The following ZNF521 variants were observed in gnomAD, a reference collection of about 807,000 sequenced individuals.
The protein encoded by ZNF521 is LYST-interacting protein 3.
Under a neutral mutation model 105.5 loss-of-function variants are expected in ZNF521, and 14 were observed. The observed-to-expected ratio is 0.13, with a 90% CI of 0.09 to 0.21. The LOEUF (loss-of-function observed/expected upper bound fraction) is 0.21. Ranked by LOEUF, ZNF521 falls within the 10% of genes least tolerant of loss-of-function variation. ZNF521 has a pLI of 1.00. For synonymous variants in ZNF521, 635 were observed against 606.0 expected (o/e 1.05, Z -0.70); for missense variants, 1,233 against 1,629.7 (o/e 0.76, Z 4.19).
At chr18:25,284,545 G>A (rs1910576135) in intron 3 of ZNF521, among the ~76,000 whole-genome samples, 1 of 152,140 alleles carries the variant, frequency 6.6e-6, no homozygotes, top group Admixed American at 6.5e-5. Context: ...TGAGACGAGA[G>A]CGCTGAGGGC....
At chr18:25,260,499 A>T (rs182831571) in intron 3 of ZNF521, among the ~76,000 whole-genome samples, 1 of 152,306 alleles carries the variant, frequency 6.6e-6, no homozygotes, top group African/African-American at 2.4e-5. Context: ...CAGCATCTTC[A>T]TCTGGAAAAC....
intron 4 of ZNF521, among the ~76,000 whole-genome samples, chr18:25,218,831 A>G (rs970884076): frequency 6.6e-6 from 1 of 152,106 alleles, no homozygotes; most frequent in African/African-American, 2.4e-5. Context: ...CTGGGCAACA[A>G]GAGTGACACT....
intron 5 of ZNF521, among the ~76,000 whole-genome samples, chr18:25,112,045 C>G (rs2034200726): frequency 6.6e-6 from 1 of 152,208 alleles, no homozygotes; most frequent in African/African-American, 2.4e-5. Context: ...GAAACCAAAT[C>G]TGCAGGAGGC....
chr18:25,095,443 T>G (rs2033831609), intron 5 of ZNF521, among the ~76,000 whole-genome samples: 1 of 152,216 alleles, frequency 6.6e-6, no homozygotes, highest in Non-Finnish European at 1.5e-5. Context: ...CATTACAATA[T>G]TCCATTAAGG....
intron 3 of ZNF521, among the ~76,000 whole-genome samples, chr18:25,261,519 C>A (rs1908906339): frequency 6.6e-6 from 1 of 152,146 alleles, no homozygotes; most frequent in Admixed American, 6.6e-5. Context: ...TCTTACTTTC[C>A]TATACTTATG....
chr18:25,159,874 C>T (rs1010918132), intron 5 of ZNF521, among the ~76,000 whole-genome samples: 1 of 152,110 alleles, frequency 6.6e-6, no homozygotes, highest in Non-Finnish European at 1.5e-5. Flanking sequence ...CATGGTTATG[C>T]GGGTGGAGTA....
chr18:25,115,966 G>C (rs1159303660), intron 5 of ZNF521, among the ~76,000 whole-genome samples: 2 of 152,208 alleles, frequency 1.3e-5, no homozygotes, highest in East Asian at 3.8e-4. Context: ...ATTCAAAGCA[G>C]TATATTAATA....
At chr18:25,172,634 A>T (rs1049765231) in intron 5 of ZNF521, among the ~76,000 whole-genome samples, 1 of 152,182 alleles carries the variant, frequency 6.6e-6, no homozygotes, top group African/African-American at 2.4e-5. Flanking sequence ...GTGGTGATAG[A>T]CATTACTAAA....
chr18:25,133,701 A>C (rs1045513206), intron 5 of ZNF521, among the ~76,000 whole-genome samples: 1 of 152,194 alleles, frequency 6.6e-6, no homozygotes. Context: ...CTTTATTATC[A>C]TCAATTTATT....
chr18:25,274,235 C>G (rs1909888389), intron 3 of ZNF521, among the ~76,000 whole-genome samples: 1 of 152,138 alleles, frequency 6.6e-6, no homozygotes, highest in Non-Finnish European at 1.5e-5. Context: ...AAGGAACCAG[C>G]ATACCCACAA....
rs33971407 is a variant in ZNF521 at position 25,332,347 on chromosome 18, C to CAAAA, written c.41-10164_41-10161dup. Among the ~76,000 whole-genome samples, 195 of 127,858 alleles carry CAAAA rather than the reference C, an allele frequency of 1.5e-3. 1 individual carries two copies. Among genetic ancestry groups the CAAAA allele is most frequent in the African/African-American group, 5.2e-3 (189 of 36,406 alleles). 83.9% of individuals were successfully genotyped at this position (127,858 alleles called of 152,430 possible). A position where few individuals can be genotyped will look rare whatever the true frequency, so the allele number is the denominator to read the frequency against. ...AAATTTGTATAATGAAAGATCACAG[C>CAAAA]AAAAAAAAAAAAAAAGAGGCTGTGA... On this transcript the variant is annotated intron_variant, in intron 2 of 7. Transcript: ENST00000361524.
Position 25,062,752 on chromosome 18 carries a change from C to CAA in ZNF521, c.3907-13_3907-12dup, listed in dbSNP as rs10540123. 0.018 allele frequency: 6,616 copies of CAA among 364,492 alleles called. 266 individuals carry two copies. Among genetic ancestry groups the CAA allele is most frequent in the South Asian group, 0.023 (691 of 30,038 alleles). The allele number at this position is 364,492 out of a possible 1,614,324, so 22.6% of individuals were successfully genotyped here. A position where few individuals can be genotyped will look rare whatever the true frequency, so the allele number is the denominator to read the frequency against. ...GGTCATTGTATGATTCTGTAAATAA[C>CAA]AAAAAAAAAAAAAAAAAAAAAAAAA... On this transcript the variant is annotated splice_polypyrimidine_tract_variant and intron_variant, in intron 7 of 7. Transcript: ENST00000361524.
At chr18:25,333,328 A>G (rs1020993734) in intron 2 of ZNF521, among the ~76,000 whole-genome samples, 14 of 150,826 alleles carry the variant, frequency 9.3e-5, no homozygotes, top group Non-Finnish European at 5.9e-5. Flanking sequence ...ATATATATAT[A>G]TATATACACA....
intron 3 of ZNF521, among the ~76,000 whole-genome samples, chr18:25,280,086 C>T (rs1185891149): frequency 1.3e-5 from 2 of 152,218 alleles, no homozygotes; most frequent in Non-Finnish European, 2.9e-5. Flanking sequence ...CTGGAAGGAT[C>T]CTTGGAGAAC....
chr18:25,290,273 G>C (rs923611342), intron 3 of ZNF521, among the ~76,000 whole-genome samples: 5 of 152,138 alleles, frequency 3.3e-5, no homozygotes, highest in Non-Finnish European at 5.9e-5. Context: ...TAATCCAGCT[G>C]TTGGCCTTCC....
chr18:25,118,787 T>A (rs2034378347), intron 5 of ZNF521, among the ~76,000 whole-genome samples: 2 of 152,086 alleles, frequency 1.3e-5, no homozygotes, highest in Non-Finnish European at 2.9e-5. Context: ...ACCACATTAA[T>A]AATTACATCA....
chr18:25,331,899 T>TG (rs892276100), intron 2 of ZNF521, among the ~76,000 whole-genome samples: 1 of 150,188 alleles, frequency 6.7e-6, no homozygotes, highest in Admixed American at 6.6e-5. Context: ...TTTTCTTTTT[T>TG]TTTTTTTTTA....
At chr18:25,203,066 C>T (rs1011752934) in intron 4 of ZNF521, among the ~76,000 whole-genome samples, 2 of 152,140 alleles carry the variant, frequency 1.3e-5, no homozygotes, top group African/African-American at 2.4e-5. Flanking sequence ...AGATATTAAC[C>T]GTGATCCCTA....
intron 3 of ZNF521, among the ~76,000 whole-genome samples, chr18:25,273,918 C>A (rs1376953674): frequency 6.6e-6 from 1 of 152,066 alleles, no homozygotes; most frequent in African/African-American, 2.4e-5. Flanking sequence ...TAGGTAGAAC[C>A]ACAGAACTTC....
Sources: gnomAD v4.1 joint callset for allele counts (sites outside exome capture counted in the v4.1 genomes callset) on GRCh38, gnomAD v4.1.1 for gene constraint, MANE v1.5 for transcripts, NCBI Gene and HGNC (gene_info 2026-07-23, HGNC 2026-07-21) for gene names.